Variants in TAS2R1 observed in about 807,000 individuals in gnomAD.
TAS2R1 encodes the protein taste receptor type 2 member 1.
For synonymous variants in TAS2R1, 141 were observed against 134.2 expected (o/e 1.05, Z -0.35); for missense variants, 370 against 353.4 (o/e 1.05, Z -0.38).
the TAS2R1 span, among the ~76,000 whole-genome samples, chr5:9,793,752 T>G: frequency 2.6e-5 from 4 of 152,124 alleles, no homozygotes; most frequent in Non-Finnish European, 5.9e-5. Flanking sequence ...ATTATTAGGC[T>G]GCTGCTTTTG....
intron 1 of TAS2R1, among the ~76,000 whole-genome samples, chr5:9,671,231 C>A (rs1241699705): frequency 6.6e-6 from 1 of 152,104 alleles, no homozygotes; most frequent in African/African-American, 2.4e-5. Context: ...AAAACCAGAA[C>A]AAGACAAGGA....
the TAS2R1 span, among the ~76,000 whole-genome samples, chr5:9,892,204 A>C: frequency 6.6e-6 from 1 of 152,152 alleles, no homozygotes; most frequent in African/African-American, 2.4e-5. Context: ...TCTTGCCTAG[A>C]TATCAAAGCA....
chr5:9,819,296 C>G, the TAS2R1 span, among the ~76,000 whole-genome samples: 7 of 152,188 alleles, frequency 4.6e-5, no homozygotes, highest in African/African-American at 1.7e-4. Context: ...AGGTCACCAT[C>G]GCTCAGAGAT....
the TAS2R1 span, among the ~76,000 whole-genome samples, chr5:9,810,415 T>G: frequency 5.3e-5 from 8 of 152,214 alleles, no homozygotes; most frequent in African/African-American, 1.7e-4. Context: ...TGTTTTGTGC[T>G]GTATGAGACA....
chr5:9,779,458 A>G, the TAS2R1 span, among the ~76,000 whole-genome samples: 1 of 152,232 alleles, frequency 6.6e-6, no homozygotes, highest in Non-Finnish European at 1.5e-5. Flanking sequence ...TTTGCTTTAC[A>G]GTGAGAGATG....
chr5:9,851,518 GT>G, the TAS2R1 span, among the ~76,000 whole-genome samples: 68,945 of 139,290 alleles, frequency 0.49, 16,090 homozygotes, highest in Non-Finnish European at 0.56. Flanking sequence ...GCTGGGATTT[GT>G]TTTTTTTTTT....
At chr5:9,755,731 G>A in the TAS2R1 span, among the ~76,000 whole-genome samples, 1 of 152,162 alleles carries the variant, frequency 6.6e-6, no homozygotes, top group Non-Finnish European at 1.5e-5. Context: ...AATTATTCAT[G>A]AGTTTTCCAG....
chr5:9,725,672 G>A, the TAS2R1 span, among the ~76,000 whole-genome samples: 3 of 148,602 alleles, frequency 2.0e-5, no homozygotes, highest in East Asian at 2.0e-4. Flanking sequence ...CCTGCTCCAC[G>A]GCGCCCAGCC....
At chr5:9,782,735 ATCTTT>A in the TAS2R1 span, among the ~76,000 whole-genome samples, 4 of 152,182 alleles carry the variant, frequency 2.6e-5, no homozygotes, top group Non-Finnish European at 5.9e-5. Flanking sequence ...AAGGCAATAC[ATCTTT>A]TCTTTTCTTT....
At chr5:9,836,239 G>C in the TAS2R1 span, among the ~76,000 whole-genome samples, 1,945 of 152,054 alleles carry the variant, frequency 0.013, 11 homozygotes, top group Middle Eastern at 0.02. Flanking sequence ...TCTTTCTTTT[G>C]TAAATTTCCC....
chr5:9,845,672 G>A, the TAS2R1 span, among the ~76,000 whole-genome samples: 1 of 152,150 alleles, frequency 6.6e-6, no homozygotes, highest in African/African-American at 2.4e-5. Context: ...GAGAATAAAG[G>A]CTGAAGCCGT....
chr5:9,791,354 G>T, the TAS2R1 span, among the ~76,000 whole-genome samples: 1 of 152,162 alleles, frequency 6.6e-6, no homozygotes, highest in East Asian at 1.9e-4. Flanking sequence ...GACAGATCAG[G>T]TATCTCCAAC....
At chr5:9,785,146 T>C in the TAS2R1 span, among the ~76,000 whole-genome samples, 5 of 152,238 alleles carry the variant, frequency 3.3e-5, no homozygotes, top group Non-Finnish European at 7.3e-5. Context: ...CCCCACTCTC[T>C]CATCTCCCCA....
At chr5:9,665,977 C>T (rs1740625519) in intron 1 of TAS2R1, among the ~76,000 whole-genome samples, 2 of 152,148 alleles carry the variant, frequency 1.3e-5, no homozygotes, top group South Asian at 4.1e-4. Context: ...TAGGTTTCAA[C>T]CTATTTTTGG....
the TAS2R1 span, among the ~76,000 whole-genome samples, chr5:9,774,066 G>A: frequency 1.3e-5 from 2 of 152,042 alleles, no homozygotes; most frequent in Non-Finnish European, 2.9e-5. Context: ...TTTGCCTTTG[G>A]AGGTTATTTT....
At chr5:9,753,009 A>G in the TAS2R1 span, among the ~76,000 whole-genome samples, 4 of 152,178 alleles carry the variant, frequency 2.6e-5, no homozygotes, top group Non-Finnish European at 4.4e-5. Context: ...CAATAAACAT[A>G]CGTGTGCATG....
chr5:9,900,779 C>T, the TAS2R1 span, among the ~76,000 whole-genome samples: 1 of 152,074 alleles, frequency 6.6e-6, no homozygotes, highest in Non-Finnish European at 1.5e-5. Context: ...TGCCACCATG[C>T]CCGGCTAATT....
intron 2 of TAS2R1, chr5:9,641,746 A>G (rs921136985): frequency 1.3e-5 from 2 of 152,216 alleles, no homozygotes; most frequent in Admixed American, 1.3e-4. Context: ...CACAACAAAT[A>G]CAATTTTTAA....
intron 2 of TAS2R1, among the ~76,000 whole-genome samples, chr5:9,643,701 C>T (rs189519794): frequency 2.0e-4 from 30 of 152,302 alleles, no homozygotes; most frequent in Admixed American, 1.7e-3. Context: ...ATGCAGTCCA[C>T]TGTTGATGTA....
Sources: allele counts gnomAD v4.1 joint callset (sites outside exome capture counted in the v4.1 genomes callset), GRCh38; gene constraint gnomAD v4.1.1; transcripts MANE v1.5; gene names NCBI Gene and HGNC (gene_info 2026-07-23, HGNC 2026-07-21).